RAPGEF5: variants seen among roughly 807,000 people sequenced by gnomAD.
RAPGEF5 encodes M-Ras-regulated GEF.
A neutral mutation model predicts 125.2 loss-of-function variants in RAPGEF5; 65 were observed. The observed-to-expected ratio is 0.52, with a 90% CI of 0.43 to 0.64. The LOEUF is 0.64. Ranked by LOEUF, RAPGEF5 falls within the 30% of genes least tolerant of loss-of-function variation. The pLI is 0.00. For synonymous variants in RAPGEF5, 391 were observed against 385.9 expected, an observed-to-expected ratio of 1.01 and a Z score of -0.16; for missense variants, 958 against 1,048.1, an observed-to-expected ratio of 0.91 and a Z score of 1.19.
intron 25 of RAPGEF5, among the ~76,000 whole-genome samples, chr7:22,124,651 T>G (rs1019867269): frequency 6.6e-6 from 1 of 152,238 alleles, no homozygotes; most frequent in African/African-American, 2.4e-5. Context: ...TTATATAGAC[T>G]TCTATATTGT....
intron 17 of RAPGEF5, among the ~76,000 whole-genome samples, 175 bp from the exon 18 acceptor site, chr7:22,150,679 C>A (rs1424806064): frequency 2.0e-5 from 3 of 152,166 alleles, no homozygotes; most frequent in Non-Finnish European, 2.9e-5. Flanking sequence ...ATACCAGTGG[C>A]ATCACAAATA....
intron 24 of RAPGEF5, among the ~76,000 whole-genome samples, chr7:22,129,277 C>T (rs2128099044): frequency 6.6e-6 from 1 of 152,320 alleles, no homozygotes; most frequent in East Asian, 1.9e-4. Flanking sequence ...CCCTCAACAA[C>T]AGGCAACAGC....
At chr7:22,129,579 C>T (rs954475853) in intron 24 of RAPGEF5, among the ~76,000 whole-genome samples, 1 of 152,194 alleles carries the variant, frequency 6.6e-6, no homozygotes, top group African/African-American at 2.4e-5. Flanking sequence ...ATTAAGTGCC[C>T]TGTGATCTTC....
rs1782512366 is a variant in RAPGEF5, at chr7:22,119,395, A to C, written c.*3011T>G. ...TAAACATAATTAAGGAAACTAGAAA[A>C]AAGTGAATGCAGGTCATGTGTATCA... On this transcript the variant is annotated 3_prime_UTR_variant, in exon 26 of 26. Transcript: ENST00000665637. The surrounding 1 kb of genome is among the most constrained non-coding windows in gnomAD (Gnocchi z 4.1). 1 of 152,236 alleles carries C rather than the reference A, an allele frequency of 6.6e-6. No homozygotes were observed. The highest frequency in any genetic ancestry group is 1.5e-5 in the Non-Finnish European group (1 of 68,044). The allele number at this position is 152,236 out of a possible 1,614,324, so 9.4% of individuals were successfully genotyped here. A position where few individuals can be genotyped will look rare whatever the true frequency, so the allele number is the denominator to read the frequency against.
intron 9 of RAPGEF5, among the ~76,000 whole-genome samples, chr7:22,217,251 C>CAAGAAGAGG (rs1260728819): frequency 2.0e-5 from 3 of 152,162 alleles, no homozygotes; most frequent in African/African-American, 7.2e-5. Context: ...ATTGTTATAA[C>CAAGAAGAGG]AAGAAGAGGA....
chr7:22,224,325 A>T (rs879728434), intron 8 of RAPGEF5, among the ~76,000 whole-genome samples: 1 of 152,152 alleles, frequency 6.6e-6, no homozygotes, highest in South Asian at 2.1e-4. Context: ...GGTGTTATAA[A>T]ATAACTATGA....
rs10950897 is a variant in RAPGEF5, at chr7:22,318,097, T to A, written c.232-60A>T. The A allele has an allele frequency of 1.4e-6, 2 of 1,466,080 alleles. No homozygotes were observed. The highest frequency in any genetic ancestry group is 1.5e-5 in the African/African-American group (1 of 66,858). 90.8% of individuals were successfully genotyped at this position (1,466,080 alleles called of 1,614,324 possible). A position where few individuals can be genotyped will look rare whatever the true frequency, so the allele number is the denominator to read the frequency against. On this transcript the variant is annotated intron_variant, in intron 1 of 25. Transcript: ENST00000665637. The stretch of plus-strand genomic sequence containing the variant: ...CCAAATAAACTTTTGTACCAAAAAA[T>A]GAAAACATAAGCAACAGTGGCCAGG...
At position 22,120,407 on chromosome 7, in the gene RAPGEF5, T is replaced by C. The variant is rs1412133974; in HGVS notation, c.*1999A>G. ...AAAGGTAATGTTCTACTAGGAGCAA[T>C]GTAGTTCTAATGTAAATAAAAATCC... On this transcript the variant is annotated 3_prime_UTR_variant, in exon 26 of 26. Coordinates refer to ENST00000665637, the MANE Select transcript of RAPGEF5 (RefSeq NM_012294.5). This position sits in a 1 kb window ranked among gnomAD's most constrained non-coding sequence, Gnocchi z 4.0. 1 of 152,598 alleles carries C rather than the reference T, an allele frequency of 6.6e-6. No individual in the cohort carries two copies. Among genetic ancestry groups the C allele is most frequent in the East Asian group, 1.9e-4 (1 of 5,200 alleles). 9.5% of individuals were successfully genotyped at this position (152,598 alleles called of 1,614,324 possible).
intron 5 of RAPGEF5, among the ~76,000 whole-genome samples, chr7:22,306,554 G>A (rs1462806466): frequency 6.6e-6 from 1 of 152,088 alleles, no homozygotes; most frequent in Admixed American, 6.5e-5. Flanking sequence ...TTGCTGTGCA[G>A]GAAGATCTTC....
chr7:22,277,184 C>G (rs1173252778), intron 6 of RAPGEF5, among the ~76,000 whole-genome samples: 2 of 152,126 alleles, frequency 1.3e-5, no homozygotes, highest in African/African-American at 4.8e-5. Flanking sequence ...AATTCTGAAG[C>G]CTTTATAAAT....
chr7:22,223,527 T>G (rs1785843062), intron 8 of RAPGEF5, among the ~76,000 whole-genome samples: 1 of 152,188 alleles, frequency 6.6e-6, no homozygotes, highest in African/African-American at 2.4e-5. Flanking sequence ...TGCTTTAACA[T>G]GACGGCTATT....
At chr7:22,233,033 G>T (rs1184581225) in intron 7 of RAPGEF5, among the ~76,000 whole-genome samples, 1 of 152,138 alleles carries the variant, frequency 6.6e-6, no homozygotes, top group Non-Finnish European at 1.5e-5. Context: ...GGGGTTCCCT[G>T]TTGCTACTGT....
At chr7:22,156,684 G>A (rs1783818597) in intron 16 of RAPGEF5, 126 bp downstream of exon 16, 1 of 1,455,774 alleles carries the variant, frequency 6.9e-7, no homozygotes, top group Non-Finnish European at 9.2e-7. Context: ...GCTGTTTGAG[G>A]CTAACGTGCT....
intron 25 of RAPGEF5, among the ~76,000 whole-genome samples, chr7:22,124,100 A>AGGGTT (rs967183505): frequency 6.6e-5 from 10 of 152,188 alleles, no homozygotes; most frequent in African/African-American, 2.4e-4. Flanking sequence ...TGCCACACAG[A>AGGGTT]GGGTTGCTCT....
chr7:22,284,539 C>T (rs1782752717), intron 6 of RAPGEF5, among the ~76,000 whole-genome samples: 1 of 152,172 alleles, frequency 6.6e-6, no homozygotes, highest in Non-Finnish European at 1.5e-5. Context: ...TGGCCCTTCC[C>T]CAAATCATAT....
chr7:22,167,013 GT>G, intron 12 of RAPGEF5, 56 bp downstream of exon 12: 1 of 1,405,106 alleles, frequency 7.1e-7, no homozygotes, highest in Non-Finnish European at 1.0e-6. Flanking sequence ...AATTCCTAAC[GT>G]GGGACATCTG....
chr7:22,249,980 G>GA (rs1388068538), intron 7 of RAPGEF5, among the ~76,000 whole-genome samples: 3 of 152,288 alleles, frequency 2.0e-5, no homozygotes, highest in African/African-American at 7.2e-5. Context: ...CACTGCTTTA[G>GA]AAAAAACACA....
intron 1 of RAPGEF5, 35 bp from the exon 2 acceptor site, chr7:22,318,072 C>T (rs1277467106): frequency 2.3e-5 from 34 of 1,502,984 alleles, no homozygotes; most frequent in Non-Finnish European, 2.8e-5. Context: ...ATAGTTAGAA[C>T]CAAATAAACT....
chr7:22,355,204 T>C (rs1360483816), intron 1 of RAPGEF5, among the ~76,000 whole-genome samples: 1 of 152,168 alleles, frequency 6.6e-6, no homozygotes, highest in Non-Finnish European at 1.5e-5. Context: ...ATACATTATC[T>C]GAGGTAACCA....
Sources: gnomAD v4.1 joint callset for allele counts (sites outside exome capture counted in the v4.1 genomes callset) on GRCh38, gnomAD v4.1.1 for gene constraint, Gnocchi (gnomAD v3.1) non-coding constraint, MANE v1.5 for transcripts, NCBI Gene and HGNC (gene_info 2026-07-23, HGNC 2026-07-21) for gene names.